PDZD2: variants seen among roughly 807,000 people sequenced by gnomAD.
The protein encoded by PDZD2 is PDZ domain containing 2.
Under a neutral mutation model 220.7 loss-of-function variants are expected in PDZD2, and 90 were observed. The ratio of observed to expected loss-of-function variants is 0.41; its 90% CI spans 0.34 to 0.49. PDZD2 has a LOEUF of 0.49. Among genes scored for constraint, PDZD2 ranks in the 20% least tolerant of loss-of-function variants. The probability of loss-of-function intolerance (pLI) is 0.28; values close to 1 mark genes in which losing one functional copy is unlikely to be tolerated. For synonymous variants in PDZD2, 1,375 were observed against 1,450.5 expected, an observed-to-expected ratio of 0.95 and a Z score of 1.18; for missense variants, 3,174 against 3,608.5, an observed-to-expected ratio of 0.88 and a Z score of 3.08.
At chr5:32,011,025 ACAACAAC>A (rs1753273551) in intron 6 of PDZD2, among the ~76,000 whole-genome samples, 1 of 135,412 alleles carries the variant, frequency 7.4e-6, no homozygotes, top group African/African-American at 3.0e-5. Context: ...AAAAAAAACA[ACAACAAC>A]AACAACAACT....
intron 1 of PDZD2, among the ~76,000 whole-genome samples, chr5:31,732,268 G>A (rs1262510284): frequency 6.6e-6 from 1 of 152,186 alleles, no homozygotes; most frequent in African/African-American, 2.4e-5. Flanking sequence ...AGTGTGGAGA[G>A]GTGGGGTAAG....
At position 32,037,273 on chromosome 5, in the gene PDZD2, G is replaced by A. The variant is rs1177035919; in HGVS notation, c.1450G>A (p.Glu484Lys). The change falls in exon 7 of 25, where the codon GAA becomes AAA. Residue 484 changes from glutamate (E) to lysine (K), a missense_variant. By Grantham distance (56) the Glu-to-Lys change is moderately conservative (BLOSUM62 1). Coordinates refer to ENST00000438447, the MANE Select transcript of PDZD2 (RefSeq NM_178140.4). ...DEPQDVCGAE[E>K]SKGNLESPKQ... ...ACCCCAAGATGTGTGCGGTGCTGAG[G>A]AATCCAAGGGGAACTTGGAAAGTCC... 1 of 1,613,836 alleles carries A rather than the reference G, an allele frequency of 6.2e-7. No homozygotes were observed. Among genetic ancestry groups the A allele is most frequent in the Non-Finnish European group, 8.5e-7 (1 of 1,179,844 alleles).
intron 6 of PDZD2, among the ~76,000 whole-genome samples, chr5:32,013,223 C>T (rs372145229): frequency 6.6e-6 from 1 of 151,878 alleles, no homozygotes. Context: ...ATGAAAGTGC[C>T]GTAATTTGTT....
chr5:32,052,605 T>A lies in PDZD2; in HGVS notation c.1666-6T>A, dbSNP rs1208981679. 12 of 1,613,536 alleles carry A rather than the reference T, an allele frequency of 7.4e-6. No homozygotes were observed. The African/African-American group carries it at 1.3e-4, about 18-fold the overall frequency. On this transcript the variant is annotated splice_polypyrimidine_tract_variant and splice_region_variant and intron_variant, in intron 8 of 24. Transcript: ENST00000438447. Reference sequence around the variant, plus strand: ...ATCTCTGACCTTGCCGTGTGCTGACTTTTAGGAATACCACATTGTGAAGAA... The same window carrying A: ...ATCTCTGACCTTGCCGTGTGCTGACATTTAGGAATACCACATTGTGAAGAA...
rs148320359 is a variant in PDZD2 at position 31,714,471 on chromosome 5, T to A, written c.-361+75034T>A. 2.0e-5 allele frequency among the ~76,000 whole-genome samples: 3 copies of A among 152,070 alleles called. No homozygotes were observed. In the East Asian group the frequency reaches 5.8e-4, roughly 29 times the overall value. On this transcript the variant is annotated intron_variant, in intron 1 of 24. Transcript: ENST00000438447. Reference sequence around the variant, plus strand: ...AAGGGAAATAGTGTCATTGAGGAGGTAGGAGAAACTTTTGGAGGTGTTATG... The same window carrying A: ...AAGGGAAATAGTGTCATTGAGGAGGAAGGAGAAACTTTTGGAGGTGTTATG...
chr5:31,753,149 AAATG>A (rs1751107951), intron 1 of PDZD2, among the ~76,000 whole-genome samples: 1 of 152,260 alleles, frequency 6.6e-6, no homozygotes, highest in Non-Finnish European at 1.5e-5. Context: ...TAACATAAAT[AAATG>A]AAGTGAGATA....
chr5:31,672,161 C>T (rs1202315303), intron 1 of PDZD2, among the ~76,000 whole-genome samples: 1 of 152,164 alleles, frequency 6.6e-6, no homozygotes, highest in Non-Finnish European at 1.5e-5. Context: ...ACCTCGAGAA[C>T]GACTGTCCTA....
chr5:31,660,481 A>C (rs1745718300), intron 1 of PDZD2, among the ~76,000 whole-genome samples: 1 of 152,192 alleles, frequency 6.6e-6, no homozygotes, highest in Non-Finnish European at 1.5e-5. Flanking sequence ...GGAAGGCCTC[A>C]GGAAATTTAC....
At chr5:32,086,983 C>G in intron 19 of PDZD2, 148 bp from the exon 20 acceptor site, 1 of 580,106 alleles carries the variant, frequency 1.7e-6, no homozygotes, top group East Asian at 2.9e-5. Context: ...GCCACCACGC[C>G]CAGCTTTCTG....
At chr5:31,919,730 A>AC (rs3037134) in intron 2 of PDZD2, among the ~76,000 whole-genome samples, 2,867 of 140,120 alleles carry the variant, frequency 0.02, 143 homozygotes, top group African/African-American at 0.071. Flanking sequence ...AAAAAAAAAA[A>AC]GGCCAGGCAC....
intron 1 of PDZD2, among the ~76,000 whole-genome samples, chr5:31,755,509 C>G (rs1751255586): frequency 6.6e-6 from 1 of 152,196 alleles, no homozygotes; most frequent in African/African-American, 2.4e-5. Context: ...CTGCTTCTCT[C>G]TCTCCTCGAA....
At chr5:31,828,364 C>T (rs1367355338) in intron 2 of PDZD2, among the ~76,000 whole-genome samples, 1 of 152,222 alleles carries the variant, frequency 6.6e-6, no homozygotes, top group Admixed American at 6.5e-5. Flanking sequence ...CTTTATGAGA[C>T]CAGCCATCCT....
chr5:31,647,776 G>T lies in PDZD2; in HGVS notation c.-361+8339G>T, dbSNP rs1745187893. ...CACATTTGCAGGTTTTGGGATGTGG[G>T]TATATCTTTTGGGGAGCTACTATTC... On this transcript the variant is annotated intron_variant, in intron 1 of 24. Transcript: ENST00000438447. Among the ~76,000 whole-genome samples the T allele has an allele frequency of 3.9e-5, 6 of 152,284 alleles. 1 individual carries two copies. The South Asian group carries it at 1.2e-3, about 32-fold the overall frequency.
chr5:32,061,306 C>A (rs559552240), intron 14 of PDZD2, among the ~76,000 whole-genome samples, 172 bp downstream of exon 14: 1 of 152,208 alleles, frequency 6.6e-6, no homozygotes, highest in African/African-American at 2.4e-5. Flanking sequence ...CTTAGAAAAT[C>A]TTACTAGAAC....
intron 2 of PDZD2, among the ~76,000 whole-genome samples, chr5:31,917,011 G>A (rs187139203): frequency 6.6e-6 from 1 of 152,290 alleles, no homozygotes; most frequent in Admixed American, 6.5e-5. Context: ...GTTGATGAGG[G>A]ACAGGCACTA....
At chr5:32,041,837 A>G (rs887389106) in intron 7 of PDZD2, among the ~76,000 whole-genome samples, 82 of 139,394 alleles carry the variant, frequency 5.9e-4, no homozygotes, top group African/African-American at 2.0e-3. Flanking sequence ...AGAATAATCA[A>G]TAAATACTAA....
At chr5:32,060,796 T>C (rs1739608330) in intron 13 of PDZD2, among the ~76,000 whole-genome samples, 1 of 152,242 alleles carries the variant, frequency 6.6e-6, no homozygotes, top group Non-Finnish European at 1.5e-5. Flanking sequence ...CCAGTAAATA[T>C]GCATAATGAC....
chr5:32,012,420 G>A (rs1427333139), intron 6 of PDZD2, among the ~76,000 whole-genome samples: 3 of 151,988 alleles, frequency 2.0e-5, no homozygotes, highest in Non-Finnish European at 2.9e-5. Context: ...GTCTTGCTCT[G>A]TCGCCCAGAC....
chr5:31,869,403 G>A (rs1238114207), intron 2 of PDZD2, among the ~76,000 whole-genome samples: 3 of 151,898 alleles, frequency 2.0e-5, no homozygotes, highest in Non-Finnish European at 4.4e-5. Flanking sequence ...TGTATTGGCT[G>A]CATACAAAAA....
Sources: gnomAD v4.1 joint callset for allele counts (sites outside exome capture counted in the v4.1 genomes callset) on GRCh38, gnomAD v4.1.1 for gene constraint, MANE v1.5 for transcripts, NCBI Gene and HGNC (gene_info 2026-07-23, HGNC 2026-07-21) for gene names.